CLMP: variants seen among roughly 807,000 people sequenced by gnomAD.
CLMP encodes the protein CXADR-like membrane protein.
A neutral mutation model predicts 45.2 loss-of-function variants in CLMP; 27 were observed. The ratio of observed to expected loss-of-function variants is 0.60; its 90% CI spans 0.44 to 0.82. CLMP has a LOEUF of 0.82. CLMP is among the 40% of genes least tolerant of loss of function. The pLI is 0.00. For missense variants in CLMP, 403 were observed against 448.4 expected, an observed-to-expected ratio of 0.90 and a Z score of 0.91; for synonymous variants, 167 against 171.4, an observed-to-expected ratio of 0.97 and a Z score of 0.20.
chr11:123,125,023 A>T (rs1305848646), intron 1 of CLMP, among the ~76,000 whole-genome samples: 1 of 152,064 alleles, frequency 6.6e-6, no homozygotes, highest in African/African-American at 2.4e-5. Flanking sequence ...TAGCCTCCTG[A>T]GTAGCTGGGA....
At position 123,074,173 on chromosome 11, in the gene CLMP, C is replaced by CTTT. The variant is rs113482011; in HGVS notation, c.822-402_822-400dup. On this transcript the variant is annotated intron_variant, in intron 6 of 6. Coordinates refer to ENST00000448775, the MANE Select transcript of CLMP (RefSeq NM_024769.5). ...TTTTATGTATATACATATGTACATA[C>CTTT]TTTTTTTTTTTTTTTTTTTGAGACA... is the stretch of plus-strand genomic sequence containing the variant. Among the ~76,000 whole-genome samples the CTTT allele has an allele frequency of 3.5e-3, 459 of 130,642 alleles. 11 individuals carry two copies. Among genetic ancestry groups the CTTT allele is most frequent in the African/African-American group, 0.013 (429 of 34,202 alleles). The allele number at this position is 130,642 out of a possible 152,430, so 85.7% of individuals were successfully genotyped here.
chr11:123,143,999 G>A (rs1417808233), intron 1 of CLMP, among the ~76,000 whole-genome samples: 1 of 152,044 alleles, frequency 6.6e-6, no homozygotes, highest in East Asian at 1.9e-4. Flanking sequence ...AGTAGAGATG[G>A]GGTTTCACCA....
chr11:123,175,397 G>A (rs12787411), intron 1 of CLMP, among the ~76,000 whole-genome samples: 87,582 of 151,946 alleles, frequency 0.58, 25,329 homozygotes, highest in African/African-American at 0.62. Flanking sequence ...AGCATGGGGG[G>A]AACCACCCCA....
chr11:123,150,480 A>AAAGGAAGGAAGGAAGG (rs71057397), intron 1 of CLMP, among the ~76,000 whole-genome samples: 127 of 40,944 alleles, frequency 3.1e-3, no homozygotes, highest in Admixed American at 4.8e-3. Flanking sequence ...AGAAAGAAAG[A>AAAGGAAGGAAGGAAGG]AAGGAAGGAA....
At chr11:123,077,904 C>T (rs915910007) in intron 5 of CLMP, among the ~76,000 whole-genome samples, 1 of 152,120 alleles carries the variant, frequency 6.6e-6, no homozygotes, top group East Asian at 1.9e-4. Context: ...GCCAGGAGTT[C>T]GAGACCAGCC....
At chr11:123,074,957 T>G in intron 5 of CLMP, 114 bp from the exon 6 acceptor site, 1 of 1,281,836 alleles carries the variant, frequency 7.8e-7, no homozygotes, top group Non-Finnish European at 1.0e-6. Flanking sequence ...TTTGTTTGTT[T>G]TGTTTTTTTT....
intron 1 of CLMP, among the ~76,000 whole-genome samples, chr11:123,169,849 G>A (rs140050701): frequency 2.0e-5 from 3 of 152,296 alleles, no homozygotes; most frequent in East Asian, 3.9e-4. Context: ...TTTGTGGGCG[G>A]TGCCTCCAAG....
At chr11:123,165,869 G>A (rs1372261156) in intron 1 of CLMP, among the ~76,000 whole-genome samples, 1 of 152,178 alleles carries the variant, frequency 6.6e-6, no homozygotes, top group African/African-American at 2.4e-5. Context: ...GCAAGGTGAT[G>A]TAGAGAGGCC....
chr11:123,086,039 A>C (rs1435602206), intron 2 of CLMP, among the ~76,000 whole-genome samples: 1 of 151,890 alleles, frequency 6.6e-6, no homozygotes, highest in Non-Finnish European at 1.5e-5. Flanking sequence ...AGCCTCCCAA[A>C]GTGCTGGGAT....
At position 123,071,718 on chromosome 11, in the gene CLMP, C is replaced by G. The variant is rs759374171; in HGVS notation, c.*1756G>C. On this transcript the variant is annotated 3_prime_UTR_variant, in exon 7 of 7. Transcript: ENST00000448775. ...CAGCCTGGGCAACAGAGCGAGACTT[C>G]GTCTCAAAAAAAAAAAAGTTTTCTA... The G allele has an allele frequency of 2.6e-5, 4 of 151,724 alleles. No individual in the cohort carries two copies. Among genetic ancestry groups the G allele is most frequent in the African/African-American group, 9.7e-5 (4 of 41,242 alleles). 9.4% of individuals were successfully genotyped at this position (151,724 alleles called of 1,614,324 possible).
Position 123,136,803 on chromosome 11 carries a change from A to G in CLMP, c.29-38851T>C, listed in dbSNP as rs538455926. On this transcript the variant is annotated intron_variant, in intron 1 of 6. Coordinates refer to ENST00000448775, the MANE Select transcript of CLMP (RefSeq NM_024769.5). ...AGGTTGGTCTCGAACTCCTGAGCTC[A>G]CAGGATCCACCTGCCTCGGCCTCCC... 3.3e-5 allele frequency among the ~76,000 whole-genome samples: 5 copies of G among 152,000 alleles called. No homozygotes were observed. In the East Asian group the frequency reaches 9.7e-4, roughly 30 times the overall value.
chr11:123,073,797 A>G (rs750302557), intron 6 of CLMP, 23 bp from the exon 7 acceptor site: 2 of 1,542,194 alleles, frequency 1.3e-6, no homozygotes, highest in African/African-American at 2.8e-5. Flanking sequence ...AACAGCAAAG[A>G]TTAACACTGG....
At chr11:123,102,848 C>T (rs115061709) in intron 1 of CLMP, among the ~76,000 whole-genome samples, 3,408 of 151,776 alleles carry the variant, frequency 0.022, 105 homozygotes, top group African/African-American at 0.077. Context: ...TGAGCTACCA[C>T]GCCCAGCCTC....
rs202047829 is a variant in CLMP at position 123,083,828 on chromosome 11, C to T, written c.408G>A (p.Lys136=). The T allele has an allele frequency of 1.4e-4, 231 of 1,613,304 alleles. No individual in the cohort carries two copies. In the East Asian group the frequency reaches 4.9e-3, roughly 34 times the overall value. Residue 136 remains lysine (K), a synonymous_variant, in exon 4 of 7, where the codon AAG becomes AAA. Transcript: ENST00000448775. ...CTGTCAGCTCTCCTTCCAACTCACA[C>T]TTGGGCTTGGATGGTCTCACTGGCA... The part of the protein sequence containing the change: ...LKVLVRPSKP[K]CELEGELTEG...
intron 1 of CLMP, among the ~76,000 whole-genome samples, chr11:123,185,595 C>T (rs546262967): frequency 2.6e-5 from 4 of 152,300 alleles, no homozygotes; most frequent in East Asian, 3.9e-4. Context: ...AGGCGGGAGC[C>T]GGCTGCCCTT....
chr11:123,144,056 G>A (rs1206338400), intron 1 of CLMP, among the ~76,000 whole-genome samples: 1 of 152,068 alleles, frequency 6.6e-6, no homozygotes, highest in African/African-American at 2.4e-5. Flanking sequence ...TGATCCGTCT[G>A]CCTCAGATCC....
At chr11:123,194,170 G>A (rs751592751) in intron 1 of CLMP, among the ~76,000 whole-genome samples, 3 of 152,070 alleles carry the variant, frequency 2.0e-5, no homozygotes, top group Non-Finnish European at 2.9e-5. Context: ...GGGACCCCAG[G>A]AAGGGACGCT....
At chr11:123,101,801 G>A (rs1866064499) in intron 1 of CLMP, among the ~76,000 whole-genome samples, 1 of 152,226 alleles carries the variant, frequency 6.6e-6, no homozygotes, top group South Asian at 2.1e-4. Context: ...CAAAGCTAAT[G>A]GGAGGCCATC....
chr11:123,134,335 G>A (rs549523605), intron 1 of CLMP, among the ~76,000 whole-genome samples: 93 of 151,990 alleles, frequency 6.1e-4, no homozygotes, highest in African/African-American at 2.1e-3. Flanking sequence ...AAAAAGGGTA[G>A]AAGGAAAAGA....
Sources: gnomAD v4.1 joint callset for allele counts (sites outside exome capture counted in the v4.1 genomes callset) on GRCh38, gnomAD v4.1.1 for gene constraint, MANE v1.5 for transcripts, NCBI Gene and HGNC (gene_info 2026-07-23, HGNC 2026-07-21) for gene names.